The following NOS1AP variants were observed in gnomAD, a reference collection of about 807,000 sequenced individuals.
NOS1AP encodes carboxyl-terminal PDZ ligand of neuronal nitric oxide synthase protein.
In NOS1AP, 21 loss-of-function variants were observed where a neutral mutation model predicts 56.2. The ratio of observed to expected loss-of-function variants is 0.37; its 90% CI spans 0.26 to 0.54. The LOEUF (loss-of-function observed/expected upper bound fraction) is 0.54, where lower values mean the gene tolerates loss of function less well. NOS1AP is among the 20% of genes least tolerant of loss of function. NOS1AP has a pLI of 0.84. For synonymous variants in NOS1AP, 270 were observed against 274.6 expected (o/e 0.98, Z 0.17); for missense variants, 522 against 657.8 (o/e 0.79, Z 2.26).
Position 162,356,998 on chromosome 1 carries a change from C to T in NOS1AP, c.801C>T (p.Pro267=). Residue 267 remains proline, a synonymous_variant, in exon 8 of 10, where the codon CCC becomes CCT. Coordinates refer to ENST00000361897, the MANE Select transcript of NOS1AP (RefSeq NM_014697.3). ...HPQEPMLTAS[P]RMLLPSSSSK... is the part of the protein sequence containing the mutation. ...AGGAGCCCATGCTGACAGCCTCACCCAGGATGCTGCTCCCTTCTTCTTCCT... is the reference window on the plus strand; with the variant it reads ...AGGAGCCCATGCTGACAGCCTCACCTAGGATGCTGCTCCCTTCTTCTTCCT... The T allele has an allele frequency of 6.2e-7, 1 of 1,614,158 alleles. No homozygotes were observed. The highest frequency in any genetic ancestry group is 1.1e-5 in the South Asian group (1 of 91,088).
intron 2 of NOS1AP, among the ~76,000 whole-genome samples, 199 bp downstream of exon 2, chr1:162,154,675 T>C (rs1457583975): frequency 3.9e-5 from 6 of 152,206 alleles, no homozygotes; most frequent in Non-Finnish European, 8.8e-5. Flanking sequence ...ATGGATGTGA[T>C]GGCTGGAGTG....
chr1:162,088,564 G>T lies in NOS1AP; in HGVS notation c.105+18282G>T, dbSNP rs79114240. 8.1e-4 allele frequency among the ~76,000 whole-genome samples: 123 copies of T among 152,286 alleles called. 1 individual carries two copies. In the East Asian group the frequency reaches 0.022, roughly 28 times the overall value. The stretch of plus-strand genomic sequence containing the variant: ...TGACAATGAGGAACCTAATTGAAAA[G>T]AGTTACTGGATATACTTGGGGATAC... On this transcript the variant is annotated intron_variant, in intron 1 of 9. Transcript: ENST00000361897.
At chr1:162,215,894 A>G (rs1652552469) in intron 2 of NOS1AP, among the ~76,000 whole-genome samples, 1 of 152,226 alleles carries the variant, frequency 6.6e-6, no homozygotes. Flanking sequence ...TTTTGTTAGC[A>G]TTTTGGAGAA....
At chr1:162,187,297 T>C (rs976005232) in intron 2 of NOS1AP, among the ~76,000 whole-genome samples, 6 of 152,210 alleles carry the variant, frequency 3.9e-5, no homozygotes, top group Non-Finnish European at 8.8e-5. Context: ...ATCTTCTTTA[T>C]TCACTTAATA....
chr1:162,232,035 T>G (rs1191884184), intron 2 of NOS1AP, among the ~76,000 whole-genome samples: 1 of 152,248 alleles, frequency 6.6e-6, no homozygotes, highest in Non-Finnish European at 1.5e-5. Context: ...ACATAAAGTT[T>G]ATGCTCTTGT....
chr1:162,103,448 C>A (rs1383653748), intron 1 of NOS1AP, among the ~76,000 whole-genome samples: 2 of 152,054 alleles, frequency 1.3e-5, no homozygotes, highest in Non-Finnish European at 2.9e-5. Context: ...TCTATCACGT[C>A]CACTTGATTC....
chr1:162,188,849 C>T lies in NOS1AP; in HGVS notation c.177+34373C>T, dbSNP rs959708169. 1.3e-5 allele frequency among the ~76,000 whole-genome samples: 2 copies of T among 152,084 alleles called. No homozygotes were observed. Among genetic ancestry groups the T allele is most frequent in the Non-Finnish European group, 2.9e-5 (2 of 68,000 alleles). ...CGGGCGGATCACGAGATCAGGAGTT[C>T]GAGACCAGCCTGGCCAACCTGGTCA... is the stretch of plus-strand genomic sequence containing the variant. On this transcript the variant is annotated intron_variant, in intron 2 of 9. Coordinates refer to ENST00000361897, the MANE Select transcript of NOS1AP (RefSeq NM_014697.3). The surrounding 1 kb of genome is among the most constrained non-coding windows in gnomAD (Gnocchi z 4.0).
chr1:162,131,167 T>A (rs1648731386), intron 1 of NOS1AP, among the ~76,000 whole-genome samples: 1 of 152,092 alleles, frequency 6.6e-6, no homozygotes. Context: ...CGCTTGCTTG[T>A]GTTCTGTGCT....
intron 3 of NOS1AP, among the ~76,000 whole-genome samples, chr1:162,300,424 G>C (rs1655610095): frequency 6.6e-6 from 1 of 152,128 alleles, no homozygotes; most frequent in African/African-American, 2.4e-5. Flanking sequence ...CTGAGCCCTG[G>C]AGAGGCACTC....
At chr1:162,246,966 A>T (rs1469634360) in intron 2 of NOS1AP, among the ~76,000 whole-genome samples, 1 of 152,178 alleles carries the variant, frequency 6.6e-6, no homozygotes, top group Admixed American at 6.5e-5. Context: ...ATTTTGTGGG[A>T]ATCATATTTA....
At chr1:162,314,266 A>G (rs1656156066) in intron 4 of NOS1AP, among the ~76,000 whole-genome samples, 1 of 152,214 alleles carries the variant, frequency 6.6e-6, no homozygotes, top group Non-Finnish European at 1.5e-5. Context: ...CAAAGCAATC[A>G]AAATTAAACC....
At chr1:162,178,997 AG>A (rs1044522037) in intron 2 of NOS1AP, among the ~76,000 whole-genome samples, 9 of 151,762 alleles carry the variant, frequency 5.9e-5, no homozygotes, top group Non-Finnish European at 1.0e-4. Flanking sequence ...GTGGGGGTTG[AG>A]GGGGGTGGTG....
chr1:162,367,586 G>A lies in NOS1AP; in HGVS notation c.*119G>A. On this transcript the variant is annotated 3_prime_UTR_variant, in exon 10 of 10. Transcript: ENST00000361897. The surrounding 1 kb of genome is among the most constrained non-coding windows in gnomAD (Gnocchi z 6.5). The stretch of plus-strand genomic sequence containing the variant: ...CCGAGGAGAATGCCAGCCAGGGCCC[G>A]GGAGAGTGTGAGGTTTCAGGAAAGT... The A allele has an allele frequency of 8.8e-7, 1 of 1,131,432 alleles. No homozygotes were observed. The highest frequency in any genetic ancestry group is 2.6e-5 in the Admixed American group (1 of 37,974). The allele number at this position is 1,131,432 out of a possible 1,614,324, so 70.1% of individuals were successfully genotyped here. A position where few individuals can be genotyped will look rare whatever the true frequency, so the allele number is the denominator to read the frequency against.
chr1:162,244,944 C>T (rs1031947020), intron 2 of NOS1AP, among the ~76,000 whole-genome samples: 1 of 152,140 alleles, frequency 6.6e-6, no homozygotes, highest in Non-Finnish European at 1.5e-5. Context: ...ATGAGAAGAT[C>T]TACTTCCTAA....
intron 1 of NOS1AP, among the ~76,000 whole-genome samples, chr1:162,104,589 C>T (rs1028203941): frequency 2.6e-5 from 4 of 151,980 alleles, no homozygotes; most frequent in Non-Finnish European, 4.4e-5. Flanking sequence ...CTATATTTCT[C>T]GGAGGTTTTG....
chr1:162,202,842 GGCTTA>G (rs1652040501), intron 2 of NOS1AP, among the ~76,000 whole-genome samples: 1 of 152,118 alleles, frequency 6.6e-6, no homozygotes, highest in African/African-American at 2.4e-5. Context: ...GAACTATATT[GGCTTA>G]GATATCTGGA....
intron 1 of NOS1AP, among the ~76,000 whole-genome samples, chr1:162,149,800 T>C (rs146092126): frequency 7.5e-4 from 115 of 152,356 alleles, no homozygotes; most frequent in African/African-American, 2.7e-3. Context: ...GATTAGTGAT[T>C]CTTGTTTGTA....
chr1:162,329,361 AAGAG>A (rs112676244), intron 4 of NOS1AP, among the ~76,000 whole-genome samples: 6,919 of 148,776 alleles, frequency 0.047, 513 homozygotes, highest in African/African-American at 0.16. Flanking sequence ...CCAAGAAAAA[AAGAG>A]AGAGAGAGAG....
intron 2 of NOS1AP, among the ~76,000 whole-genome samples, chr1:162,242,995 G>A (rs4656360): frequency 0.32 from 48,295 of 151,828 alleles, 7,965 homozygotes; most frequent in East Asian, 0.52. Flanking sequence ...GCATACCCAT[G>A]TATACATACA....
Sources: allele counts gnomAD v4.1 joint callset (sites outside exome capture counted in the v4.1 genomes callset), GRCh38; gene constraint gnomAD v4.1.1; non-coding constraint Gnocchi (gnomAD v3.1); transcripts MANE v1.5; gene names NCBI Gene and HGNC (gene_info 2026-07-23, HGNC 2026-07-21).